CACNB2: variants seen among roughly 807,000 people sequenced by gnomAD.
CACNB2 encodes the protein calcium voltage-gated channel auxiliary subunit beta 2, also known as voltage-dependent L-type calcium channel subunit beta-2.
CACNB2 carries 42 observed loss-of-function variants against 73.3 expected under a neutral mutation model. The observed-to-expected ratio is 0.57, with a 90% CI of 0.45 to 0.74. The LOEUF (loss-of-function observed/expected upper bound fraction) is 0.74, where lower values mean the gene tolerates loss of function less well. CACNB2 is among the 30% of genes least tolerant of loss of function. The probability of loss-of-function intolerance (pLI) is 0.00; values close to 1 mark genes in which losing one functional copy is unlikely to be tolerated. For synonymous variants in CACNB2, 348 were observed against 310.3 expected (o/e 1.12, Z -1.28); for missense variants, 940 against 853.0 (o/e 1.10, Z -1.27).
chr10:18,388,916 C>T (rs1383155149), intron 2 of CACNB2, among the ~76,000 whole-genome samples: 2 of 152,116 alleles, frequency 1.3e-5, no homozygotes, highest in Non-Finnish European at 2.9e-5. Context: ...CCTTGCCTCC[C>T]TTCCCCATAT....
chr10:18,204,976 GA>G (rs80197923), intron 2 of CACNB2, among the ~76,000 whole-genome samples: 2,981 of 126,076 alleles, frequency 0.024, 86 homozygotes, highest in African/African-American at 0.088. Context: ...AACTTTACCA[GA>G]AAAAAAAAAA....
rs140650543 is a variant in CACNB2 at position 18,210,820 on chromosome 10, A to C, written c.213+59845A>C. On this transcript the variant is annotated intron_variant, in intron 2 of 13. Coordinates refer to ENST00000324631, the MANE Select transcript of CACNB2 (RefSeq NM_201596.3). ...TTTAAGTAAATGTAAAATATGTATA[A>C]TATATTGCATGCACATTATGGAAAG... Among the ~76,000 whole-genome samples the C allele has an allele frequency of 6.7e-3, 1,014 of 152,318 alleles. 4 individuals are homozygous for C. Among genetic ancestry groups the C allele is most frequent in the Middle Eastern group, 0.031 (9 of 294 alleles).
chr10:18,197,183 G>C (rs899262752), intron 2 of CACNB2, among the ~76,000 whole-genome samples: 2 of 152,112 alleles, frequency 1.3e-5, no homozygotes, highest in South Asian at 4.1e-4. Flanking sequence ...TTCGTTCCTC[G>C]TCTTGTTCTT....
intron 3 of CACNB2, among the ~76,000 whole-genome samples, chr10:18,411,856 A>T (rs1295066086): frequency 6.6e-6 from 1 of 152,208 alleles, no homozygotes; most frequent in Admixed American, 6.5e-5. Context: ...CTTACAATAC[A>T]TACAGCACTG....
intron 2 of CACNB2, among the ~76,000 whole-genome samples, chr10:18,292,819 A>T (rs915704101): frequency 2.0e-5 from 3 of 152,216 alleles, no homozygotes; most frequent in African/African-American, 7.2e-5. Flanking sequence ...CATTAAAATT[A>T]ACAGGCAAAT....
intron 2 of CACNB2, among the ~76,000 whole-genome samples, chr10:18,222,503 TG>T (rs1282044643): frequency 6.6e-6 from 1 of 152,192 alleles, no homozygotes; most frequent in Non-Finnish European, 1.5e-5. Flanking sequence ...TACTATTTTT[TG>T]TTTGTTTGTT....
chr10:18,494,036 T>C (rs1447783886), intron 3 of CACNB2, among the ~76,000 whole-genome samples: 2 of 152,202 alleles, frequency 1.3e-5, no homozygotes, highest in African/African-American at 2.4e-5. Context: ...GGTAGCATCA[T>C]TGGTTACAGG....
intron 6 of CACNB2, among the ~76,000 whole-genome samples, chr10:18,507,267 T>C (rs951789599): frequency 6.6e-6 from 1 of 152,204 alleles, no homozygotes; most frequent in Admixed American, 6.5e-5. Flanking sequence ...GATAGAGGAT[T>C]GGCCTGTTGT....
intron 3 of CACNB2, among the ~76,000 whole-genome samples, chr10:18,441,329 A>G (rs2046399947): frequency 6.6e-6 from 1 of 152,172 alleles, no homozygotes; most frequent in Non-Finnish European, 1.5e-5. Flanking sequence ...TGCTTGAACC[A>G]GGGAGTCAGA....
intron 10 of CACNB2, among the ~76,000 whole-genome samples, chr10:18,528,318 T>C (rs1231655747): frequency 6.6e-6 from 1 of 152,034 alleles, no homozygotes; most frequent in Non-Finnish European, 1.5e-5. Flanking sequence ...GGTATGTGGA[T>C]ACTGCTTATT....
intron 2 of CACNB2, among the ~76,000 whole-genome samples, chr10:18,250,165 T>G (rs2037032321): frequency 6.6e-6 from 1 of 152,208 alleles, no homozygotes; most frequent in Non-Finnish European, 1.5e-5. Flanking sequence ...GTCTAAAAAC[T>G]CATCTCTGTG....
intron 1 of CACNB2, among the ~76,000 whole-genome samples, chr10:18,143,779 G>C (rs1013203970): frequency 6.6e-6 from 1 of 152,162 alleles, no homozygotes; most frequent in South Asian, 2.1e-4. Flanking sequence ...ATTCTACTCA[G>C]AATTATTGGG....
At chr10:18,213,055 C>T (rs979706911) in intron 2 of CACNB2, among the ~76,000 whole-genome samples, 1 of 152,208 alleles carries the variant, frequency 6.6e-6, no homozygotes, top group Admixed American at 6.5e-5. Flanking sequence ...AATCATCTGG[C>T]CTCATGCAAC....
intron 2 of CACNB2, among the ~76,000 whole-genome samples, chr10:18,267,347 T>G (rs1358395070): frequency 6.6e-6 from 1 of 152,212 alleles, no homozygotes; most frequent in Non-Finnish European, 1.5e-5. Flanking sequence ...GGCTCGCTCC[T>G]GTAATCCCAA....
intron 2 of CACNB2, among the ~76,000 whole-genome samples, chr10:18,305,413 G>A (rs1451315696): frequency 1.3e-5 from 2 of 152,186 alleles, no homozygotes; most frequent in Non-Finnish European, 2.9e-5. Context: ...GGCTGTTGAA[G>A]TGGAGATTTG....
chr10:18,335,393 G>A (rs2040960831), intron 2 of CACNB2, among the ~76,000 whole-genome samples: 1 of 152,150 alleles, frequency 6.6e-6, no homozygotes, highest in African/African-American at 2.4e-5. Flanking sequence ...TGGCCTACAT[G>A]TTGAAACCCC....
chr10:18,391,882 T>A (rs976572233), intron 2 of CACNB2, among the ~76,000 whole-genome samples: 4 of 139,092 alleles, frequency 2.9e-5, no homozygotes, highest in African/African-American at 1.1e-4. Context: ...GAGCCAAGAT[T>A]GTGCCACTGC....
chr10:18,532,410 A>G (rs1415944308), intron 10 of CACNB2, among the ~76,000 whole-genome samples: 2 of 152,164 alleles, frequency 1.3e-5, no homozygotes, highest in Non-Finnish European at 2.9e-5. Flanking sequence ...GCAGTGGCTC[A>G]CGCCTGTAAT....
chr10:18,267,945 A>G (rs753651328), intron 2 of CACNB2, among the ~76,000 whole-genome samples: 4 of 152,200 alleles, frequency 2.6e-5, no homozygotes, highest in African/African-American at 4.8e-5. Flanking sequence ...TTTCTATGAA[A>G]CAAGAATAAT....
Sources: allele counts gnomAD v4.1 joint callset (sites outside exome capture counted in the v4.1 genomes callset), GRCh38; gene constraint gnomAD v4.1.1; transcripts MANE v1.5; gene names NCBI Gene and HGNC (gene_info 2026-07-23, HGNC 2026-07-21).